The following FBXO36 variants were observed in gnomAD, a reference collection of about 807,000 sequenced individuals.
FBXO36 encodes the protein F-box only protein 36.
Under a neutral mutation model 17.0 loss-of-function variants are expected in FBXO36, and 18 were observed. That is an observed-to-expected ratio of 1.06 (90% confidence interval 0.73 to 1.57). FBXO36 has a LOEUF of 1.57. FBXO36 is among the 40% of genes most tolerant of loss of function. FBXO36 has a pLI of 0.00. For synonymous variants in FBXO36, 83 were observed against 85.3 expected (o/e 0.97, Z 0.15); for missense variants, 229 against 221.9 (o/e 1.03, Z -0.20).
chr2:229,928,865 A>G lies in FBXO36; in HGVS notation c.96+6256A>G, dbSNP rs543649638. Among the ~76,000 whole-genome samples the G allele has an allele frequency of 1.1e-4, 16 of 152,098 alleles. No homozygotes were observed. In the South Asian group the frequency reaches 3.1e-3, roughly 30 times the overall value. On this transcript the variant is annotated intron_variant, in intron 1 of 3. Coordinates refer to ENST00000283946, the MANE Select transcript of FBXO36 (RefSeq NM_174899.5). ...AGCCTCAAACTCCTGGGCTCAAGCAATCCTTGCGCCTCTGTGTCCCAAAGT... is the reference window on the plus strand; with the variant it reads ...AGCCTCAAACTCCTGGGCTCAAGCAGTCCTTGCGCCTCTGTGTCCCAAAGT...
At chr2:230,005,091 T>A (rs1317844730) in intron 3 of FBXO36, among the ~76,000 whole-genome samples, 2 of 152,006 alleles carry the variant, frequency 1.3e-5, no homozygotes, top group Admixed American at 1.3e-4. Flanking sequence ...GACAGATTAT[T>A]TATTTATTTA....
chr2:230,010,662 G>A, intron 3 of FBXO36, 34 bp from the exon 4 acceptor site: 1 of 1,575,196 alleles, frequency 6.3e-7, no homozygotes, highest in Non-Finnish European at 8.7e-7. Context: ...ACACATGTGT[G>A]CTGTAACCCA....
intron 2 of FBXO36, among the ~76,000 whole-genome samples, chr2:229,978,295 A>G (rs2077220564): frequency 6.8e-6 from 1 of 147,816 alleles, no homozygotes; most frequent in Non-Finnish European, 1.5e-5. Context: ...CAAAAATAAT[A>G]ATAATAGCTG....
At chr2:229,932,440 AAC>A (rs2076943485) in intron 1 of FBXO36, among the ~76,000 whole-genome samples, 1 of 152,086 alleles carries the variant, frequency 6.6e-6, no homozygotes, top group Non-Finnish European at 1.5e-5. Flanking sequence ...GAATCACTTG[AAC>A]CCGGGAGTTG....
chr2:229,982,980 A>G (rs574338108), intron 2 of FBXO36, among the ~76,000 whole-genome samples: 18 of 152,122 alleles, frequency 1.2e-4, no homozygotes, highest in African/African-American at 4.1e-4. Context: ...ACAGATTTGC[A>G]TTTTTATTTT....
intron 1 of FBXO36, among the ~76,000 whole-genome samples, chr2:229,924,029 C>G (rs2076887345): frequency 1.3e-5 from 2 of 150,992 alleles, no homozygotes; most frequent in East Asian, 3.9e-4. Context: ...CAGGCGTGAG[C>G]CACCGCGCCC....
At chr2:230,010,178 T>C (rs2077407971) in intron 3 of FBXO36, among the ~76,000 whole-genome samples, 1 of 151,970 alleles carries the variant, frequency 6.6e-6, no homozygotes, top group Non-Finnish European at 1.5e-5. Context: ...GGAGAATCAC[T>C]TGAACCCAGG....
At chr2:229,989,409 C>T (rs949107159) in intron 2 of FBXO36, among the ~76,000 whole-genome samples, 1 of 152,322 alleles carries the variant, frequency 6.6e-6, no homozygotes, top group Admixed American at 6.5e-5. Context: ...AGGCATGTGC[C>T]ACCATGCCTG....
chr2:229,956,487 AG>A (rs1436311855), intron 1 of FBXO36, among the ~76,000 whole-genome samples: 2 of 152,212 alleles, frequency 1.3e-5, no homozygotes, highest in East Asian at 3.8e-4. Context: ...CTCTCATCAC[AG>A]GGTAGAGGGA....
intron 2 of FBXO36, among the ~76,000 whole-genome samples, chr2:229,993,615 T>C (rs1451819417): frequency 6.6e-6 from 1 of 152,166 alleles, no homozygotes; most frequent in East Asian, 1.9e-4. Context: ...TTTAATATAC[T>C]TTTTTTAATT....
At chr2:229,989,444 A>G (rs749021532) in intron 2 of FBXO36, among the ~76,000 whole-genome samples, 25 of 151,434 alleles carry the variant, frequency 1.7e-4, no homozygotes, top group South Asian at 6.3e-4. Flanking sequence ...TTTAGTAGAG[A>G]CAGGGTTTCT....
At chr2:230,009,392 GTTAC>G (rs1201273056) in intron 3 of FBXO36, among the ~76,000 whole-genome samples, 1 of 152,170 alleles carries the variant, frequency 6.6e-6, no homozygotes, top group Non-Finnish European at 1.5e-5. Context: ...CCATTTCTGT[GTTAC>G]TTTGCTTAGG....
chr2:229,969,504 C>T (rs969299176), intron 1 of FBXO36, among the ~76,000 whole-genome samples: 4 of 151,928 alleles, frequency 2.6e-5, no homozygotes, highest in Non-Finnish European at 4.4e-5. Flanking sequence ...CTGGCTAACG[C>T]GGTGAAACCC....
intron 1 of FBXO36, among the ~76,000 whole-genome samples, chr2:229,966,711 G>A (rs2077154895): frequency 6.6e-6 from 1 of 152,072 alleles, no homozygotes; most frequent in Admixed American, 6.6e-5. Flanking sequence ...TATTATTTCT[G>A]AGGGCTTTGT....
intron 1 of FBXO36, among the ~76,000 whole-genome samples, chr2:229,959,154 T>G (rs2077108196): frequency 6.6e-6 from 1 of 152,156 alleles, no homozygotes; most frequent in Non-Finnish European, 1.5e-5. Context: ...CCATGTTAGA[T>G]TTTGCCCTCA....
At chr2:229,951,154 C>T (rs1237015726) in intron 1 of FBXO36, among the ~76,000 whole-genome samples, 2 of 151,962 alleles carry the variant, frequency 1.3e-5, no homozygotes, top group African/African-American at 2.4e-5. Flanking sequence ...AGGATGGTCT[C>T]GATATCCTGA....
At chr2:229,927,889 A>G (rs752106685) in intron 1 of FBXO36, among the ~76,000 whole-genome samples, 3 of 152,204 alleles carry the variant, frequency 2.0e-5, no homozygotes, top group East Asian at 1.9e-4. Context: ...TGTCATCTCA[A>G]TGACTTCTGA....
chr2:229,936,289 G>A (rs2076963687), intron 1 of FBXO36, among the ~76,000 whole-genome samples: 1 of 152,216 alleles, frequency 6.6e-6, no homozygotes, highest in Non-Finnish European at 1.5e-5. Context: ...TGTGGCCAGA[G>A]TCACAGTTCT....
In FBXO36 at chr2:229,985,842, G is replaced by A. The variant is rs148569428; in HGVS notation, c.205+9493G>A. ...GGTGGGAGGACTGCCTGAGCCCAGG[G>A]GTTCAAGACCAGCCTGGGCAACATA... On this transcript the variant is annotated intron_variant, in intron 2 of 3. Coordinates refer to ENST00000283946, the MANE Select transcript of FBXO36 (RefSeq NM_174899.5). Among the ~76,000 whole-genome samples, 519 of 152,098 alleles carry A rather than the reference G, an allele frequency of 3.4e-3. 2 individuals carry two copies. Among genetic ancestry groups the A allele is most frequent in the Middle Eastern group, 0.01 (3 of 294 alleles).
Sources: allele counts gnomAD v4.1 joint callset (sites outside exome capture counted in the v4.1 genomes callset), GRCh38; gene constraint gnomAD v4.1.1; transcripts MANE v1.5; gene names NCBI Gene and HGNC (gene_info 2026-07-23, HGNC 2026-07-21).